PCDHA6: variants seen among roughly 807,000 people sequenced by gnomAD.
PCDHA6 encodes the protein protocadherin alpha-6.
Under a neutral mutation model 60.3 loss-of-function variants are expected in PCDHA6, and 55 were observed. That is an observed-to-expected ratio of 0.91 (90% CI 0.73 to 1.14). The LOEUF is 1.14. PCDHA6 is among the 50% of genes most tolerant of loss of function. The probability of loss-of-function intolerance (pLI) is 0.00; values close to 1 mark genes in which losing one functional copy is unlikely to be tolerated. For synonymous variants in PCDHA6, 652 were observed against 557.9 expected, an observed-to-expected ratio of 1.17 and a Z score of -2.38; for missense variants, 1,327 against 1,256.5, an observed-to-expected ratio of 1.06 and a Z score of -0.85.
chr5:140,884,708 T>C, intron 1 of PCDHA6: 1 of 1,479,044 alleles, frequency 6.8e-7, no homozygotes, highest in Non-Finnish European at 9.0e-7. Flanking sequence ...ACTTTAGCCT[T>C]CCTTGCAGTT....
chr5:140,913,558 G>T (rs1042223174), intron 1 of PCDHA6, among the ~76,000 whole-genome samples: 5 of 151,668 alleles, frequency 3.3e-5, no homozygotes, highest in Admixed American at 3.3e-4. Flanking sequence ...TTGATCTCTT[G>T]TATTTTCATC....
In PCDHA6 at chr5:141,010,151, C is replaced by T. The variant is rs1554262715; in HGVS notation, c.*214C>T. 1 of 1,578,076 alleles carries T rather than the reference C, an allele frequency of 6.3e-7. No homozygotes were observed. Among genetic ancestry groups the T allele is most frequent in the South Asian group, 1.1e-5 (1 of 87,432 alleles). On this transcript the variant is annotated 3_prime_UTR_variant, in exon 4 of 4. Transcript: ENST00000529310. The stretch of plus-strand genomic sequence containing the variant: ...CTGGTGTTAACTCTTTCTCTCCACT[C>T]TGGCTTGTTTTCAGAACCTAAAAAG...
chr5:140,937,227 C>CG lies in PCDHA6; in HGVS notation c.2395-41718dup, dbSNP rs2091422712. Among the ~76,000 whole-genome samples the CG allele has an allele frequency of 2.0e-5, 3 of 151,930 alleles. No homozygotes were observed. The South Asian group carries it at 6.2e-4, about 32-fold the overall frequency. On this transcript the variant is annotated intron_variant, in intron 1 of 3. Transcript: ENST00000529310. Reference sequence around the variant, plus strand: ...TAATTTTTTGTATTTTTTGTAGAGACGGGGTTTCACCGTGTTAGCCAGGAT... The same window carrying CG: ...TAATTTTTTGTATTTTTTGTAGAGACGGGGGTTTCACCGTGTTAGCCAGGAT...
chr5:140,870,833 A>G (rs782800341), intron 1 of PCDHA6: 3 of 1,613,654 alleles, frequency 1.9e-6, no homozygotes, highest in Admixed American at 3.3e-5. Context: ...GGCGCAGTTA[A>G]CAAGCTAGTA....
intron 1 of PCDHA6, among the ~76,000 whole-genome samples, chr5:140,917,362 A>G (rs552053034): frequency 2.2e-4 from 32 of 142,394 alleles, no homozygotes; most frequent in Admixed American, 1.7e-3. Flanking sequence ...CTGTTCCACT[A>G]TCTTGCTCCA....
intron 1 of PCDHA6, among the ~76,000 whole-genome samples, chr5:140,974,838 A>G (rs1554236389): frequency 6.6e-6 from 1 of 152,134 alleles, no homozygotes; most frequent in Admixed American, 6.5e-5. Context: ...ATTATTTTAA[A>G]TGTTATATTC....
At chr5:140,904,932 T>C in intron 1 of PCDHA6, among the ~76,000 whole-genome samples, 1 of 152,250 alleles carries the variant, frequency 6.6e-6, no homozygotes, top group African/African-American at 2.4e-5. Context: ...TTGTAGGTTC[T>C]GGATATTAGT....
chr5:140,878,556 A>C (rs959852623), intron 1 of PCDHA6, among the ~76,000 whole-genome samples: 1 of 152,156 alleles, frequency 6.6e-6, no homozygotes. Context: ...GATGATCCCA[A>C]ACTTATCATA....
At chr5:140,858,377 T>C in intron 1 of PCDHA6, 3 of 1,587,044 alleles carry the variant, frequency 1.9e-6, no homozygotes, top group Non-Finnish European at 2.6e-6. Flanking sequence ...CCTTCCACCA[T>C]GCCCAATGGT....
At chr5:141,002,485 C>T (rs1287282223) in intron 3 of PCDHA6, among the ~76,000 whole-genome samples, 2 of 152,154 alleles carry the variant, frequency 1.3e-5, no homozygotes, top group Non-Finnish European at 2.9e-5. Flanking sequence ...AAAGGATGAC[C>T]TTGTTATACA....
rs2150318031 is a variant in PCDHA6, at chr5:140,841,549, G to A, written c.2394+11064G>A. The A allele has an allele frequency of 3.1e-6, 5 of 1,613,828 alleles. No homozygotes were observed. The South Asian group carries it at 3.3e-5, about 11-fold the overall frequency. On this transcript the variant is annotated intron_variant, in intron 1 of 3. Transcript: ENST00000529310. ...CCAAAAGACACCGGGACCTTCTGGA[G>A]GTAAGTCTGCAGAATGGCATTTTGT...
At chr5:140,877,468 C>T in intron 1 of PCDHA6, 1 of 1,613,808 alleles carries the variant, frequency 6.2e-7, no homozygotes, top group Non-Finnish European at 8.5e-7. Context: ...GGCCACGGTG[C>T]TGGTGTCGCT....
intron 3 of PCDHA6, among the ~76,000 whole-genome samples, chr5:141,006,540 A>T (rs868906531): frequency 1.6e-4 from 25 of 152,182 alleles, no homozygotes; most frequent in Admixed American, 3.3e-4. Context: ...AAAGAGAGAC[A>T]TTAAGAAATA....
At chr5:141,000,944 T>C (rs2097977292) in intron 3 of PCDHA6, among the ~76,000 whole-genome samples, 1 of 152,196 alleles carries the variant, frequency 6.6e-6, no homozygotes, top group Non-Finnish European at 1.5e-5. Flanking sequence ...GGACAAATTA[T>C]CTTGCTGTAA....
chr5:140,918,989 GTGT>G (rs2078966617), intron 1 of PCDHA6, among the ~76,000 whole-genome samples: 1 of 152,178 alleles, frequency 6.6e-6, no homozygotes, highest in Non-Finnish European at 1.5e-5. Context: ...TTGGTTTTTA[GTGT>G]TGTTCACATC....
chr5:140,939,269 A>G (rs1167199684), intron 1 of PCDHA6, among the ~76,000 whole-genome samples: 1 of 152,070 alleles, frequency 6.6e-6, no homozygotes, highest in Non-Finnish European at 1.5e-5. Flanking sequence ...CTTTTATGAG[A>G]GCTGTGCCCT....
chr5:140,973,803 G>C (rs1232498397), intron 1 of PCDHA6, among the ~76,000 whole-genome samples: 2 of 152,214 alleles, frequency 1.3e-5, no homozygotes, highest in African/African-American at 2.4e-5. Flanking sequence ...CTGTCTACTT[G>C]ACAGAATAGC....
chr5:140,870,253 G>A (rs782678686), intron 1 of PCDHA6: 2 of 1,614,196 alleles, frequency 1.2e-6, no homozygotes, highest in Non-Finnish European at 1.7e-6. Flanking sequence ...CAACGGACAG[G>A]TGACCTGCTC....
chr5:140,927,453 G>T, intron 1 of PCDHA6: 3 of 1,614,168 alleles, frequency 1.9e-6, no homozygotes, highest in Non-Finnish European at 2.5e-6. Context: ...AGTTGGTGTT[G>T]GAGAAAGCAC....
Sources: allele counts gnomAD v4.1 joint callset (sites outside exome capture counted in the v4.1 genomes callset), GRCh38; gene constraint gnomAD v4.1.1; transcripts MANE v1.5; gene names NCBI Gene and HGNC (gene_info 2026-07-23, HGNC 2026-07-21).